Variants in DEFB123 observed in about 807,000 individuals in gnomAD.
The protein encoded by DEFB123 is defensin beta 123, also known as beta-defensin 123.
For synonymous variants in DEFB123, 22 were observed against 28.3 expected (o/e 0.78, Z 0.71); for missense variants, 71 against 75.0 (o/e 0.95, Z 0.20).
chr20:31,449,764 T>A (rs2122421527), intron 1 of DEFB123, among the ~76,000 whole-genome samples: 2 of 75,710 alleles, frequency 2.6e-5, no homozygotes. Flanking sequence ...GCAAGACTCA[T>A]CTCAAAAAAA....
At chr20:31,444,422 G>A (rs1486789162) in intron 1 of DEFB123, among the ~76,000 whole-genome samples, 1 of 152,076 alleles carries the variant, frequency 6.6e-6, no homozygotes, top group Non-Finnish European at 1.5e-5. Context: ...GAGGGTAGGT[G>A]TCTCACTCAT....
At position 31,441,988 on chromosome 20, in the gene DEFB123, A is replaced by G. The variant is rs372017800; in HGVS notation, c.58+1232A>G. 4.6e-5 allele frequency among the ~76,000 whole-genome samples: 7 copies of G among 152,238 alleles called. No homozygotes were observed. In the East Asian group the frequency reaches 7.7e-4, roughly 17 times the overall value. On this transcript the variant is annotated intron_variant, in intron 1 of 1. Coordinates refer to ENST00000376309, the MANE Select transcript of DEFB123 (RefSeq NM_153324.4). ...TGAAATTTTGGTCTGCAAAAGAAAT[A>G]TGGCTTCTCTATTTTCTCTAACTCA...
rs1979697798 is a variant in DEFB123 at position 31,450,006 on chromosome 20, CCCTT to C, written c.59-21_59-18del. 6.3e-7 allele frequency: 1 copy of C among 1,599,378 alleles called. No individual in the cohort carries two copies. The highest frequency in any genetic ancestry group is 2.3e-5 in the East Asian group (1 of 44,190). ...CTACTTGTTAGGACTGATACTGTCT[CCCTT>C]CTTTCTGCTTTGTGTCAGGTGGCAC... is the stretch of plus-strand genomic sequence containing the variant. On this transcript the variant is annotated intron_variant, in intron 1 of 1. Coordinates refer to ENST00000376309, the MANE Select transcript of DEFB123 (RefSeq NM_153324.4).
rs1484198853 is a variant in DEFB123 at position 31,448,794 on chromosome 20, C to T, written c.59-1235C>T. On this transcript the variant is annotated intron_variant, in intron 1 of 1. Transcript: ENST00000376309. ...TGGCACGATCTCAGCTCACTGCAAC[C>T]TCCACCTCCCAGGTTCAAGCGATTC... Among the ~76,000 whole-genome samples the T allele has an allele frequency of 2.6e-5, 4 of 152,030 alleles. No individual in the cohort carries two copies. The East Asian group carries it at 7.7e-4, about 29-fold the overall frequency.
chr20:31,443,006 G>A (rs1979504362), intron 1 of DEFB123, among the ~76,000 whole-genome samples: 1 of 152,130 alleles, frequency 6.6e-6, no homozygotes, highest in Non-Finnish European at 1.5e-5. Flanking sequence ...AATTCAAGCT[G>A]GGGAAAACAG....
chr20:31,445,837 G>A (rs944489668), intron 1 of DEFB123, among the ~76,000 whole-genome samples: 1 of 152,166 alleles, frequency 6.6e-6, no homozygotes, highest in Non-Finnish European at 1.5e-5. Flanking sequence ...CACCGCACCC[G>A]GCCGACGAAA....
chr20:31,448,154 A>G (rs1392733968), intron 1 of DEFB123, among the ~76,000 whole-genome samples: 2 of 151,828 alleles, frequency 1.3e-5, no homozygotes, highest in Non-Finnish European at 2.9e-5. Context: ...GGCTCAAGCA[A>G]TCCTCCCATC....
At chr20:31,444,340 T>C (rs1287689724) in intron 1 of DEFB123, among the ~76,000 whole-genome samples, 1 of 152,136 alleles carries the variant, frequency 6.6e-6, no homozygotes, top group Non-Finnish European at 1.5e-5. Context: ...TTTATCATAC[T>C]CTAGTTAATC....
chr20:31,446,412 G>A (rs370689322), intron 1 of DEFB123, among the ~76,000 whole-genome samples: 4 of 152,194 alleles, frequency 2.6e-5, no homozygotes, highest in Non-Finnish European at 5.9e-5. Context: ...TGAAATGAAG[G>A]CTGCTTTTCT....
chr20:31,447,033 C>A (rs1347394894), intron 1 of DEFB123, among the ~76,000 whole-genome samples: 1 of 151,298 alleles, frequency 6.6e-6, no homozygotes, highest in East Asian at 1.9e-4. Flanking sequence ...GAGGCCGAGG[C>A]GGGTGGATCA....
chr20:31,446,800 G>T (rs1979595222), intron 1 of DEFB123, among the ~76,000 whole-genome samples: 1 of 152,020 alleles, frequency 6.6e-6, no homozygotes, highest in Non-Finnish European at 1.5e-5. Context: ...TTTCTCTTCT[G>T]TGTATGCTAT....
chr20:31,444,509 G>T (rs772455447), intron 1 of DEFB123, among the ~76,000 whole-genome samples: 3 of 152,100 alleles, frequency 2.0e-5, no homozygotes, highest in African/African-American at 4.8e-5. Context: ...ATCTGGAAAG[G>T]AATTGCTAGG....
intron 1 of DEFB123, among the ~76,000 whole-genome samples, chr20:31,441,320 G>A (rs556803656): frequency 2.6e-5 from 4 of 152,310 alleles, no homozygotes; most frequent in African/African-American, 9.6e-5. Flanking sequence ...CAGGCTGAGG[G>A]AAAGGAGAGT....
chr20:31,441,602 C>T (rs533360239), intron 1 of DEFB123, among the ~76,000 whole-genome samples: 1 of 152,096 alleles, frequency 6.6e-6, no homozygotes, highest in African/African-American at 2.4e-5. Flanking sequence ...CAGAGAAAGA[C>T]CCTGGTCAGA....
Position 31,440,675 on chromosome 20 carries a change from G to C in DEFB123, c.-24G>C. 8 of 1,613,546 alleles carry C rather than the reference G, an allele frequency of 5.0e-6. No homozygotes were observed. Among genetic ancestry groups the C allele is most frequent in the Non-Finnish European group, 6.8e-6 (8 of 1,180,000 alleles). The stretch of plus-strand genomic sequence containing the variant: ...GCTCAGCCGTGGCATCGGACTTGCA[G>C]CTTCATTTTGGGCTGCCTTAGCCAT... On this transcript the variant is annotated 5_prime_UTR_variant, in exon 1 of 2. Transcript: ENST00000376309.
chr20:31,447,403 TTCTGC>T (rs1347039941), intron 1 of DEFB123, among the ~76,000 whole-genome samples: 1 of 152,218 alleles, frequency 6.6e-6, no homozygotes, highest in Non-Finnish European at 1.5e-5. Flanking sequence ...TACCATTTTC[TTCTGC>T]CTGAATAACT....
Position 31,450,110 on chromosome 20 carries a change from T to C in DEFB123, c.140T>C (p.Ile47Thr). 3 of 1,613,282 alleles carry C rather than the reference T, an allele frequency of 1.9e-6. No individual in the cohort carries two copies. The highest frequency in any genetic ancestry group is 1.7e-6 in the Non-Finnish European group (2 of 1,179,654). The change falls in exon 2 of 2, where the codon ATA (isoleucine) becomes ACA (threonine). Residue 47 changes from isoleucine (I) to threonine (T), a missense_variant. Ile to Thr is a moderately conservative substitution (Grantham distance 89, BLOSUM62 -1). Transcript: ENST00000376309. The part of the protein sequence containing the change: ...SKKERVYVYC[I>T]NNKMCCVKPK... ...AAGGAAAGAGTCTATGTTTACTGCATAAATAATAAAATGTGCTGCGTGAAG... is the reference window on the plus strand; with the variant it reads ...AAGGAAAGAGTCTATGTTTACTGCACAAATAATAAAATGTGCTGCGTGAAG...
At chr20:31,448,133 T>C (rs1320644252) in intron 1 of DEFB123, among the ~76,000 whole-genome samples, 1 of 152,006 alleles carries the variant, frequency 6.6e-6, no homozygotes, top group African/African-American at 2.4e-5. Context: ...TAGGCTGGTC[T>C]CAAACTCTTG....
intron 1 of DEFB123, 122 bp from the exon 2 acceptor site, chr20:31,449,907 T>G: frequency 8.0e-7 from 1 of 1,253,418 alleles, no homozygotes; most frequent in Non-Finnish European, 1.1e-6. Flanking sequence ...ATGAAAAGAG[T>G]CAAAGGCAAG....
Sources: allele counts gnomAD v4.1 joint callset (sites outside exome capture counted in the v4.1 genomes callset), GRCh38; gene constraint gnomAD v4.1.1; transcripts MANE v1.5; gene names NCBI Gene and HGNC (gene_info 2026-07-23, HGNC 2026-07-21).